Variants in C1orf87 observed in about 807,000 individuals in gnomAD.
C1orf87 encodes uncharacterized protein C1orf87.
A neutral mutation model predicts 60.5 loss-of-function variants in C1orf87; 58 were observed. The observed-to-expected ratio is 0.96, with a 90% CI of 0.78 to 1.19. The LOEUF (loss-of-function observed/expected upper bound fraction) is 1.19. C1orf87 is among the 50% of genes most tolerant of loss of function. C1orf87 has a pLI of 0.00. For missense variants in C1orf87, 673 were observed against 638.6 expected (o/e 1.05, Z -0.58); for synonymous variants, 236 against 227.4 (o/e 1.04, Z -0.34).
intron 11 of C1orf87, among the ~76,000 whole-genome samples, chr1:59,995,234 T>A (rs1048048087): frequency 1.3e-5 from 2 of 152,148 alleles, no homozygotes; most frequent in Admixed American, 6.5e-5. Context: ...TTTAGCAATG[T>A]CATTTTTTTA....
chr1:60,021,630 G>T (rs1645163815), intron 8 of C1orf87, among the ~76,000 whole-genome samples: 1 of 152,142 alleles, frequency 6.6e-6, no homozygotes, highest in Admixed American at 6.5e-5. Flanking sequence ...CCTACTATGT[G>T]CCAAGCACTG....
At chr1:60,063,503 A>G (rs1370045094) in intron 2 of C1orf87, among the ~76,000 whole-genome samples, 3 of 152,150 alleles carry the variant, frequency 2.0e-5, no homozygotes, top group African/African-American at 7.2e-5. Context: ...CCCATTCTAC[A>G]TGGAACAAAA....
intron 8 of C1orf87, chr1:60,010,911 TAA>T (rs3990337): frequency 0.46 from 56,403 of 121,574 alleles, 11,193 homozygotes; most frequent in South Asian, 0.6. Context: ...AATAAATAAA[TAA>T]AAACTGTCTC....
At chr1:59,999,841 T>G (rs1002738484) in intron 10 of C1orf87, among the ~76,000 whole-genome samples, 2 of 152,184 alleles carry the variant, frequency 1.3e-5, no homozygotes, top group African/African-American at 4.8e-5. Context: ...TTGTTACTTC[T>G]GTTTTAAAAA....
intron 10 of C1orf87, among the ~76,000 whole-genome samples, chr1:60,000,526 A>T (rs994180849): frequency 2.0e-5 from 3 of 152,088 alleles, no homozygotes; most frequent in African/African-American, 7.2e-5. Flanking sequence ...ACAACAACAG[A>T]AAAACTCAGG....
intron 11 of C1orf87, among the ~76,000 whole-genome samples, chr1:59,995,245 A>G (rs1574290566): frequency 6.6e-6 from 1 of 152,158 alleles, no homozygotes; most frequent in East Asian, 1.9e-4. Context: ...CATTTTTTTA[A>G]AAAATGTTTT....
intron 2 of C1orf87, among the ~76,000 whole-genome samples, chr1:60,064,071 C>A (rs1645515554): frequency 6.6e-6 from 1 of 151,636 alleles, no homozygotes; most frequent in African/African-American, 2.4e-5. Flanking sequence ...CTAGACTGGC[C>A]TAGCCTCCCA....
chr1:60,055,174 A>G (rs779078781), intron 3 of C1orf87, 30 bp downstream of exon 3: 1 of 1,533,066 alleles, frequency 6.5e-7, no homozygotes, highest in Non-Finnish European at 9.0e-7. Context: ...TAAATTATCA[A>G]GATAAACGTG....
intron 2 of C1orf87, among the ~76,000 whole-genome samples, chr1:60,057,793 G>C (rs1645467585): frequency 6.6e-6 from 1 of 152,168 alleles, no homozygotes; most frequent in Admixed American, 6.6e-5. Context: ...AGATGGTTTG[G>C]GACAGCTGCT....
chr1:59,998,656 C>G (rs1644980527), intron 10 of C1orf87, among the ~76,000 whole-genome samples: 1 of 152,044 alleles, frequency 6.6e-6, no homozygotes. Flanking sequence ...GCATCTAATA[C>G]AAAATGAACC....
chr1:60,011,935 C>T (rs1645088131), intron 8 of C1orf87, among the ~76,000 whole-genome samples: 1 of 151,950 alleles, frequency 6.6e-6, no homozygotes, highest in Non-Finnish European at 1.5e-5. Flanking sequence ...TGCAGGACTG[C>T]TAGTCAGATA....
chr1:60,021,791 A>G (rs1175728861), intron 8 of C1orf87, among the ~76,000 whole-genome samples: 2 of 152,216 alleles, frequency 1.3e-5, no homozygotes, highest in African/African-American at 2.4e-5. Flanking sequence ...TGATAAGTGT[A>G]TAAAAGAAAA....
intron 3 of C1orf87, among the ~76,000 whole-genome samples, chr1:60,046,585 CA>C (rs979449585): frequency 1.3e-5 from 2 of 151,590 alleles, no homozygotes; most frequent in African/African-American, 4.8e-5. Flanking sequence ...ACTAGAGGTG[CA>C]CACCACCACA....
At chr1:60,034,500 G>T (rs778409214) in intron 6 of C1orf87, among the ~76,000 whole-genome samples, 6 of 152,152 alleles carry the variant, frequency 3.9e-5, no homozygotes, top group Non-Finnish European at 5.9e-5. Flanking sequence ...TCTAAATTGG[G>T]TTTCTTTCAG....
chr1:60,071,927 T>A (rs1205148004), intron 2 of C1orf87, among the ~76,000 whole-genome samples: 1 of 152,192 alleles, frequency 6.6e-6, no homozygotes. Context: ...CCTTCCCTCC[T>A]TTTTTGAGCC....
intron 11 of C1orf87, among the ~76,000 whole-genome samples, chr1:59,996,238 T>C (rs1232564364): frequency 6.6e-6 from 1 of 152,202 alleles, no homozygotes; most frequent in Admixed American, 6.5e-5. Context: ...ATGGTACTAA[T>C]GTGTACACCA....
intron 2 of C1orf87, among the ~76,000 whole-genome samples, chr1:60,062,300 A>C (rs192169910): frequency 6.6e-6 from 1 of 152,084 alleles, no homozygotes; most frequent in African/African-American, 2.4e-5. Context: ...TCTGTTTCCT[A>C]TTGGGACCCA....
chr1:60,041,332 G>A (rs957714871), intron 3 of C1orf87, among the ~76,000 whole-genome samples: 1 of 152,132 alleles, frequency 6.6e-6, no homozygotes, highest in African/African-American at 2.4e-5. Flanking sequence ...AGCATTATAC[G>A]CTTGACACAT....
intron 8 of C1orf87, among the ~76,000 whole-genome samples, chr1:60,012,410 T>A (rs1485923419): frequency 6.6e-6 from 1 of 152,104 alleles, no homozygotes; most frequent in Non-Finnish European, 1.5e-5. Context: ...GAAATTTTTT[T>A]AACTATATTG....
Sources: allele counts gnomAD v4.1 joint callset (sites outside exome capture counted in the v4.1 genomes callset), GRCh38; gene constraint gnomAD v4.1.1; transcripts MANE v1.5; gene names NCBI Gene and HGNC (gene_info 2026-07-23, HGNC 2026-07-21).